Variants in ZMAT4 observed in about 807,000 individuals in gnomAD.
ZMAT4 encodes zinc finger matrin-type 4, also known as zinc finger matrin-type protein 4.
In ZMAT4, 17 loss-of-function variants were observed where a neutral mutation model predicts 28.7. The ratio of observed to expected loss-of-function variants is 0.59; its 90% CI spans 0.41 to 0.89. The LOEUF (loss-of-function observed/expected upper bound fraction) is 0.89. Ranked by LOEUF, ZMAT4 falls within the 40% of genes least tolerant of loss-of-function variation. The probability of loss-of-function intolerance (pLI) is 0.00; values close to 1 mark genes in which losing one functional copy is unlikely to be tolerated. For missense variants in ZMAT4, 240 were observed against 283.8 expected, an observed-to-expected ratio of 0.85 and a Z score of 1.11; for synonymous variants, 117 against 109.2, an observed-to-expected ratio of 1.07 and a Z score of -0.44.
chr8:40,820,878 CATGTGTAT>C (rs1815783955), intron 2 of ZMAT4, among the ~76,000 whole-genome samples: 1 of 27,652 alleles, frequency 3.6e-5, no homozygotes, highest in Non-Finnish European at 9.5e-5. Context: ...TTTATGTGTG[CATGTGTAT>C]GTGTTTATGT....
intron 4 of ZMAT4, among the ~76,000 whole-genome samples, chr8:40,683,932 G>A (rs922149622): frequency 2.6e-5 from 4 of 152,038 alleles, no homozygotes; most frequent in Non-Finnish European, 5.9e-5. Flanking sequence ...GGGCATGGTG[G>A]CACGCGCCTG....
chr8:40,619,769 G>T (rs966404002), intron 5 of ZMAT4, among the ~76,000 whole-genome samples: 11 of 152,188 alleles, frequency 7.2e-5, no homozygotes, highest in Non-Finnish European at 1.6e-4. Context: ...GGCTCTGAAG[G>T]TGATTCAGGC....
At chr8:40,688,165 A>T (rs1356323626) in intron 4 of ZMAT4, among the ~76,000 whole-genome samples, 1 of 152,126 alleles carries the variant, frequency 6.6e-6, no homozygotes, top group Admixed American at 6.5e-5. Flanking sequence ...AAATTTAATA[A>T]AATAAAATAG....
At chr8:40,690,388 T>G (rs1809609567) in intron 4 of ZMAT4, among the ~76,000 whole-genome samples, 1 of 152,190 alleles carries the variant, frequency 6.6e-6, no homozygotes, top group East Asian at 1.9e-4. Context: ...AATCTATTAC[T>G]TACATTTATG....
chr8:40,697,354 G>A lies in ZMAT4; in HGVS notation c.240C>T (p.Cys80=), dbSNP rs1355988862. 3 of 1,613,698 alleles carry A rather than the reference G, an allele frequency of 1.9e-6. No homozygotes were observed. Residue 80 remains cysteine (C), a synonymous_variant, in exon 4 of 7, where the codon TGC becomes TGT. Coordinates refer to ENST00000297737, the MANE Select transcript of ZMAT4 (RefSeq NM_024645.3). ...MVDKNKCCTL[C]NMSFTSAVVA... Reference sequence around the variant, plus strand: ...CCACCGCTGAAGTGAATGACATGTTGCAGAGTGTGCAGCACTTGTTCTTAT... The same window carrying A: ...CCACCGCTGAAGTGAATGACATGTTACAGAGTGTGCAGCACTTGTTCTTAT...
chr8:40,617,285 C>T (rs994521239), intron 5 of ZMAT4, among the ~76,000 whole-genome samples: 7 of 152,188 alleles, frequency 4.6e-5, no homozygotes, highest in African/African-American at 1.7e-4. Flanking sequence ...CTTTGATGTA[C>T]ACAAGAAGTT....
chr8:40,852,234 C>T (rs1019458056), intron 1 of ZMAT4, among the ~76,000 whole-genome samples: 1 of 152,144 alleles, frequency 6.6e-6, no homozygotes, highest in African/African-American at 2.4e-5. Context: ...CTCCCAGCCT[C>T]TAGTACCCTC....
intron 5 of ZMAT4, among the ~76,000 whole-genome samples, chr8:40,602,560 C>T (rs1805435929): frequency 6.6e-6 from 1 of 152,054 alleles, no homozygotes; most frequent in South Asian, 2.1e-4. Flanking sequence ...TTGATTATGG[C>T]CATTCTTACA....
At chr8:40,641,768 A>G (rs1807038822) in intron 5 of ZMAT4, among the ~76,000 whole-genome samples, 1 of 152,196 alleles carries the variant, frequency 6.6e-6, no homozygotes, top group Non-Finnish European at 1.5e-5. Flanking sequence ...ATTTTTAAGT[A>G]TACAATACAG....
At chr8:40,596,182 G>T (rs1250090964) in intron 5 of ZMAT4, among the ~76,000 whole-genome samples, 2 of 152,122 alleles carry the variant, frequency 1.3e-5, no homozygotes, top group African/African-American at 4.8e-5. Flanking sequence ...GAAGCTTGCA[G>T]GTCTAGAAGT....
At chr8:40,607,378 A>G (rs1299277284) in intron 5 of ZMAT4, among the ~76,000 whole-genome samples, 1 of 151,526 alleles carries the variant, frequency 6.6e-6, no homozygotes, top group Non-Finnish European at 1.5e-5. Flanking sequence ...TGATCTGCCC[A>G]CTCAGCCTCC....
chr8:40,713,634 C>T (rs1022337217), intron 3 of ZMAT4, among the ~76,000 whole-genome samples: 2 of 151,950 alleles, frequency 1.3e-5, no homozygotes, highest in East Asian at 1.9e-4. Context: ...CCAGGCCAGG[C>T]GCAGTGGCTC....
chr8:40,639,236 T>C (rs1015319708), intron 5 of ZMAT4, among the ~76,000 whole-genome samples: 4 of 152,242 alleles, frequency 2.6e-5, no homozygotes, highest in Non-Finnish European at 5.9e-5. Context: ...ATCACTGCTT[T>C]GCACAATTTT....
intron 1 of ZMAT4, among the ~76,000 whole-genome samples, chr8:40,891,688 A>G (rs1818694336): frequency 6.6e-6 from 1 of 152,068 alleles, no homozygotes. Flanking sequence ...TCCTTCTGGT[A>G]GATCCCCTAG....
At chr8:40,779,939 C>T (rs965017173) in intron 2 of ZMAT4, among the ~76,000 whole-genome samples, 8 of 152,178 alleles carry the variant, frequency 5.3e-5, no homozygotes, top group African/African-American at 1.9e-4. Context: ...AGGAAGCCCA[C>T]TTTTGGCAGG....
chr8:40,606,894 A>AT (rs202012998), intron 5 of ZMAT4, among the ~76,000 whole-genome samples: 3,978 of 152,092 alleles, frequency 0.026, 79 homozygotes, highest in Middle Eastern at 0.061. Context: ...GGCTTTGTTC[A>AT]TTTTTTTAAA....
At chr8:40,633,391 G>A (rs542961754) in intron 5 of ZMAT4, among the ~76,000 whole-genome samples, 7 of 152,298 alleles carry the variant, frequency 4.6e-5, no homozygotes, top group Non-Finnish European at 8.8e-5. Context: ...TGACACATGC[G>A]ATGTGATGGC....
At chr8:40,647,433 G>A (rs559309261) in intron 5 of ZMAT4, among the ~76,000 whole-genome samples, 4 of 152,278 alleles carry the variant, frequency 2.6e-5, no homozygotes, top group East Asian at 3.9e-4. Flanking sequence ...CTACACCCAC[G>A]GAGTCTAGCT....
intron 2 of ZMAT4, among the ~76,000 whole-genome samples, chr8:40,789,156 C>CA (rs560964766): frequency 3.8e-4 from 56 of 146,292 alleles, no homozygotes; most frequent in South Asian, 2.8e-3. Context: ...GAATAGATGC[C>CA]AAAAAAAAAG....
Sources: allele counts gnomAD v4.1 joint callset (sites outside exome capture counted in the v4.1 genomes callset), GRCh38; gene constraint gnomAD v4.1.1; transcripts MANE v1.5; gene names NCBI Gene and HGNC (gene_info 2026-07-23, HGNC 2026-07-21).